Variants in FXR2 observed in about 807,000 individuals in gnomAD.
FXR2 encodes the protein FMR1 autosomal homolog 2.
Under a neutral mutation model 87.3 loss-of-function variants are expected in FXR2, and 9 were observed. The ratio of observed to expected loss-of-function variants is 0.10; its 90% CI spans 0.06 to 0.18. FXR2 has a LOEUF of 0.18. Among genes scored for constraint, FXR2 ranks in the 10% least tolerant of loss-of-function variants. The pLI, the probability that FXR2 is intolerant of heterozygous loss-of-function variation, is 1.00. For missense variants in FXR2, 661 were observed against 893.6 expected (o/e 0.74, Z 3.32); for synonymous variants, 331 against 328.3 (o/e 1.01, Z -0.09).
chr17:7,593,695 C>T lies in FXR2; in HGVS notation c.1108-70G>A. The T allele has an allele frequency of 1.9e-6, 2 of 1,050,690 alleles. No homozygotes were observed. Among genetic ancestry groups the T allele is most frequent in the East Asian group, 2.6e-5 (1 of 38,668 alleles). The allele number at this position is 1,050,690 out of a possible 1,614,324, so 65.1% of individuals were successfully genotyped here. On this transcript the variant is annotated intron_variant, in intron 11 of 16. Coordinates refer to ENST00000250113, the MANE Select transcript of FXR2 (RefSeq NM_004860.4). The surrounding 1 kb of genome is among the most constrained non-coding windows in gnomAD (Gnocchi z 6.1). ...AGTGCCTTGCTTCATGCTTCTGCAC[C>T]CTGACTGTCCCTCTATATCTAACCT...
chr17:7,604,405 A>T (rs1045446377), intron 3 of FXR2, among the ~76,000 whole-genome samples: 1 of 152,084 alleles, frequency 6.6e-6, no homozygotes, highest in East Asian at 1.9e-4. Context: ...CTTCCACGAA[A>T]AAAAAAGAGG....
At position 7,591,968 on chromosome 17, in the gene FXR2, T is replaced by G; in HGVS notation, c.1927-43A>C. On this transcript the variant is annotated intron_variant, in intron 16 of 16. Coordinates refer to ENST00000250113, the MANE Select transcript of FXR2 (RefSeq NM_004860.4). The surrounding 1 kb of genome is among the most constrained non-coding windows in gnomAD (Gnocchi z 4.0). ...AAGAAAACAGAAAAGCAAGAAGCGG[T>G]GAGTAGAAATTCAGGTGGGAGACAT... 7.7e-7 allele frequency: 1 copy of G among 1,304,414 alleles called. No individual in the cohort carries two copies. Among genetic ancestry groups the G allele is most frequent in the Non-Finnish European group, 1.1e-6 (1 of 915,142 alleles). 80.8% of individuals were successfully genotyped at this position (1,304,414 alleles called of 1,614,324 possible).
Position 7,592,625 on chromosome 17 carries a change from C to T in FXR2, c.1730-26G>A. 6.2e-7 allele frequency: 1 copy of T among 1,613,124 alleles called. No homozygotes were observed. Among genetic ancestry groups the T allele is most frequent in the Non-Finnish European group, 8.5e-7 (1 of 1,179,216 alleles). On this transcript the variant is annotated intron_variant, in intron 14 of 16. Coordinates refer to ENST00000250113, the MANE Select transcript of FXR2 (RefSeq NM_004860.4). This position sits in a 1 kb window ranked among gnomAD's most constrained non-coding sequence, Gnocchi z 4.8. ...CTGTAGGGTAGGAAAAAACCAGAGT[C>T]ACACATCCAACCTCCCACCCTCGAT...
Position 7,593,837 on chromosome 17 carries a change from A to T in FXR2, c.1107+81T>A. The stretch of plus-strand genomic sequence containing the variant: ...GTTCTACACGGAGAGACAAACAGAG[A>T]ACCAAAATCCCTGAGCTGACCCCCA... On this transcript the variant is annotated intron_variant, in intron 11 of 16. Coordinates refer to ENST00000250113, the MANE Select transcript of FXR2 (RefSeq NM_004860.4). This position sits in a 1 kb window ranked among gnomAD's most constrained non-coding sequence, Gnocchi z 6.1. 1.0e-6 allele frequency: 1 copy of T among 990,056 alleles called. No individual in the cohort carries two copies. The highest frequency in any genetic ancestry group is 1.3e-5 in the South Asian group (1 of 76,042). The allele number at this position is 990,056 out of a possible 1,614,324, so 61.3% of individuals were successfully genotyped here.
intron 1 of FXR2, among the ~76,000 whole-genome samples, chr17:7,612,065 C>G (rs1261513493): frequency 3.3e-5 from 5 of 152,200 alleles, no homozygotes. Flanking sequence ...GGAAAAGATT[C>G]AGAGAGACTT....
intron 2 of FXR2, 57 bp from the exon 3 acceptor site, chr17:7,605,795 C>T: frequency 9.7e-7 from 1 of 1,029,840 alleles, no homozygotes; most frequent in South Asian, 1.4e-5. Context: ...TTGCCCATTT[C>T]TTTACAAAAG....
At chr17:7,600,607 C>T (rs1206537637) in intron 7 of FXR2, among the ~76,000 whole-genome samples, 1 of 151,614 alleles carries the variant, frequency 6.6e-6, no homozygotes, top group Admixed American at 6.6e-5. Flanking sequence ...AGACCAAGGC[C>T]GGGCGCAGCG....
intron 2 of FXR2, 111 bp from the exon 3 acceptor site, chr17:7,605,849 A>G: frequency 1.4e-6 from 1 of 726,468 alleles, no homozygotes; most frequent in Non-Finnish European, 2.4e-6. Flanking sequence ...CTGGATAATT[A>G]GAGGCTAAAC....
intron 2 of FXR2, 142 bp from the exon 3 acceptor site, chr17:7,605,880 A>T: frequency 1.5e-6 from 1 of 659,986 alleles, no homozygotes; most frequent in South Asian, 1.8e-5. Flanking sequence ...GCTCCATAGT[A>T]GTGTCTTCCA....
In FXR2 at chr17:7,607,007, T is replaced by C. The variant is rs890093841; in HGVS notation, c.82-858A>G. Among the ~76,000 whole-genome samples the C allele has an allele frequency of 3.9e-5, 6 of 152,222 alleles. 1 individual carries two copies. The South Asian group carries it at 1.0e-3, about 26-fold the overall frequency. Reference sequence around the variant, plus strand: ...ATTTATTATTTTATCAACTGTGCTTTTGGTTTCATATCTAAGAAATCTTTG... The same window carrying C: ...ATTTATTATTTTATCAACTGTGCTTCTGGTTTCATATCTAAGAAATCTTTG... On this transcript the variant is annotated intron_variant, in intron 1 of 16. Coordinates refer to ENST00000250113, the MANE Select transcript of FXR2 (RefSeq NM_004860.4).
intron 7 of FXR2, among the ~76,000 whole-genome samples, chr17:7,598,136 T>C (rs1364207352): frequency 6.6e-6 from 1 of 152,148 alleles, no homozygotes; most frequent in East Asian, 1.9e-4. Flanking sequence ...CCATCTGTCA[T>C]TGAAACAGGA....
At position 7,594,776 on chromosome 17, in the gene FXR2, G is replaced by A. The variant is rs181260928; in HGVS notation, c.832-19C>T. 83 of 1,535,922 alleles carry A rather than the reference G, an allele frequency of 5.4e-5. No individual in the cohort carries two copies. In the African/African-American group the frequency reaches 6.4e-4, roughly 12 times the overall value. Reference sequence around the variant, plus strand: ...CGGGAGTCTAAAGGAAGAACAGCAGGGAGTTGTTACTAAAACAGAAGACCA... The same window carrying A: ...CGGGAGTCTAAAGGAAGAACAGCAGAGAGTTGTTACTAAAACAGAAGACCA... On this transcript the variant is annotated intron_variant, in intron 8 of 16. Transcript: ENST00000250113. This position sits in a 1 kb window ranked among gnomAD's most constrained non-coding sequence, Gnocchi z 5.1.
chr17:7,598,461 A>T (rs539367600), intron 7 of FXR2, among the ~76,000 whole-genome samples: 48 of 151,374 alleles, frequency 3.2e-4, no homozygotes, highest in Admixed American at 5.9e-4. Flanking sequence ...TCTCAAAAAC[A>T]AAACAAAACA....
chr17:7,603,510 A>G (rs1317820545), intron 5 of FXR2, among the ~76,000 whole-genome samples: 1 of 148,958 alleles, frequency 6.7e-6, no homozygotes, highest in African/African-American at 2.5e-5. Flanking sequence ...CTGGGCAACA[A>G]GAGCAAAACT....
chr17:7,594,064 G>A lies in FXR2; in HGVS notation c.1021-60C>T, dbSNP rs1004985546. 4.3e-6 allele frequency: 5 copies of A among 1,166,430 alleles called. No homozygotes were observed. The Admixed American group carries it at 5.1e-5, about 12-fold the overall frequency. The allele number at this position is 1,166,430 out of a possible 1,614,324, so 72.3% of individuals were successfully genotyped here. On this transcript the variant is annotated intron_variant, in intron 10 of 16. Coordinates refer to ENST00000250113, the MANE Select transcript of FXR2 (RefSeq NM_004860.4). This position sits in a 1 kb window ranked among gnomAD's most constrained non-coding sequence, Gnocchi z 5.1. ...AGGAAAATGAAATGGAAGGATTAAC[G>A]CCGCCCAGTCTCCTAGGGGAGCCTG...
chr17:7,591,723 C>G lies in FXR2; in HGVS notation c.*107G>C. 1 of 740,080 alleles carries G rather than the reference C, an allele frequency of 1.4e-6. No homozygotes were observed. Among genetic ancestry groups the G allele is most frequent in the Non-Finnish European group, 2.5e-6 (1 of 406,794 alleles). The allele number at this position is 740,080 out of a possible 1,614,324, so 45.8% of individuals were successfully genotyped here. A position where few individuals can be genotyped will look rare whatever the true frequency, so the allele number is the denominator to read the frequency against. On this transcript the variant is annotated 3_prime_UTR_variant, in exon 17 of 17. Transcript: ENST00000250113. This position sits in a 1 kb window ranked among gnomAD's most constrained non-coding sequence, Gnocchi z 4.0. ...GTACCCAAGCTGCTGTGCCACCCCCCTCCCCCCTAGATAAGAGCAGCTCCA... is the reference window on the plus strand; with the variant it reads ...GTACCCAAGCTGCTGTGCCACCCCCGTCCCCCCTAGATAAGAGCAGCTCCA...
intron 7 of FXR2, 109 bp from the exon 8 acceptor site, chr17:7,596,103 G>A (rs970203736): frequency 4.6e-6 from 4 of 860,238 alleles, no homozygotes; most frequent in Non-Finnish European, 7.5e-6. Context: ...TTAATAGAAA[G>A]CTAGAACCAC....
intron 7 of FXR2, among the ~76,000 whole-genome samples, chr17:7,600,373 C>T (rs1170370769): frequency 6.6e-6 from 1 of 152,132 alleles, no homozygotes; most frequent in African/African-American, 2.4e-5. Context: ...TGATTTTTGT[C>T]TTCTTAGTAA....
rs1410500805 is a variant in FXR2 at position 7,593,052 on chromosome 17, C to T, written c.1460G>A (p.Gly487Asp). Residue 487 changes from glycine (G) to aspartate (D), a missense_variant, in exon 13 of 17, where the codon GGC becomes GAC. By Grantham distance (94) the Gly-to-Asp change is moderately conservative (BLOSUM62 -1). Transcript: ENST00000250113. This position sits in a 1 kb window ranked among gnomAD's most constrained non-coding sequence, Gnocchi z 6.1. ...GEESRRRPTG[G>D]RGRGPPPAPR... is the part of the protein sequence containing the mutation. ...GGCAGGTGGGGGTCCCCTACCCCGGCCCCCAGTCGGCCGCCTCCGGCTTTC... is the reference window on the plus strand; with the variant it reads ...GGCAGGTGGGGGTCCCCTACCCCGGTCCCCAGTCGGCCGCCTCCGGCTTTC... The T allele has an allele frequency of 6.3e-7, 1 of 1,583,666 alleles. No individual in the cohort carries two copies.
Sources: allele counts gnomAD v4.1 joint callset (sites outside exome capture counted in the v4.1 genomes callset), GRCh38; gene constraint gnomAD v4.1.1; non-coding constraint Gnocchi (gnomAD v3.1); transcripts MANE v1.5; gene names NCBI Gene and HGNC (gene_info 2026-07-23, HGNC 2026-07-21).